Variants in WDR70 observed in about 807,000 individuals in gnomAD.
WDR70 encodes WD repeat domain 70.
A neutral mutation model predicts 88.6 loss-of-function variants in WDR70; 53 were observed. The ratio of observed to expected loss-of-function variants is 0.60; its 90% CI spans 0.48 to 0.75. The LOEUF is 0.75. Ranked by LOEUF, WDR70 falls within the 30% of genes least tolerant of loss-of-function variation. The probability of loss-of-function intolerance (pLI) is 0.00; values close to 1 mark genes in which losing one functional copy is unlikely to be tolerated. For synonymous variants in WDR70, 280 were observed against 270.0 expected (o/e 1.04, Z -0.36); for missense variants, 610 against 823.2 (o/e 0.74, Z 3.17).
At chr5:37,417,861 G>A (rs1191813836) in intron 5 of WDR70, among the ~76,000 whole-genome samples, 1 of 152,150 alleles carries the variant, frequency 6.6e-6, no homozygotes, top group Non-Finnish European at 1.5e-5. Flanking sequence ...TTATTTTAAT[G>A]TCCAGGTATT....
At chr5:37,499,931 T>G (rs1251478352) in intron 8 of WDR70, among the ~76,000 whole-genome samples, 1 of 152,166 alleles carries the variant, frequency 6.6e-6, no homozygotes, top group Non-Finnish European at 1.5e-5. Flanking sequence ...CTTTATAGAT[T>G]GTGTTTTTAA....
chr5:37,462,052 T>A (rs1185838837), intron 7 of WDR70, among the ~76,000 whole-genome samples: 1 of 152,114 alleles, frequency 6.6e-6, no homozygotes, highest in Non-Finnish European at 1.5e-5. Context: ...TCTGGATAAT[T>A]TCCAGTTTTC....
At chr5:37,739,157 A>T (rs1312942651) in intron 17 of WDR70, among the ~76,000 whole-genome samples, 4 of 152,220 alleles carry the variant, frequency 2.6e-5, no homozygotes, top group Non-Finnish European at 5.9e-5. Flanking sequence ...TTTTTAAATT[A>T]GTCGTCAGAA....
At chr5:37,688,097 G>A (rs1746668123) in intron 10 of WDR70, 2 of 459,600 alleles carry the variant, frequency 4.4e-6, no homozygotes, top group Non-Finnish European at 7.8e-6. Context: ...CGACATTCAA[G>A]ATTTTATCTT....
At position 37,479,937 on chromosome 5, in the gene WDR70, A is replaced by G. The variant is rs1213049493; in HGVS notation, c.790A>G (p.Met264Val). Residue 264 changes from methionine to valine, a missense_variant, in exon 8 of 18, where the codon ATG becomes GTG. This residue lies in a region of WDR70 where 83 missense variants were observed against 155.3 expected (regional missense o/e 0.53). Coordinates refer to ENST00000265107, the MANE Select transcript of WDR70 (RefSeq NM_018034.4). Reference sequence around the variant, plus strand: ...GATTGACAGAGATGGTTTTGAAGTAATGGAATGTATAAAAGGAGACCAGTA... The same window carrying G: ...GATTGACAGAGATGGTTTTGAAGTAGTGGAATGTATAAAAGGAGACCAGTA... Reference protein sequence around the residue: ...KVIDRDGFEVMECIKGDQYIV... With the variant: ...KVIDRDGFEVVECIKGDQYIV... The G allele has an allele frequency of 6.2e-7, 1 of 1,614,064 alleles. No individual in the cohort carries two copies. The highest frequency in any genetic ancestry group is 8.5e-7 in the Non-Finnish European group (1 of 1,180,030).
chr5:37,618,032 C>G (rs1282102271), intron 10 of WDR70, among the ~76,000 whole-genome samples: 8 of 152,176 alleles, frequency 5.3e-5, no homozygotes, highest in African/African-American at 1.9e-4. Context: ...AACATTGGAA[C>G]TCACAGGTAA....
At chr5:37,508,179 T>A (rs1740617523) in intron 8 of WDR70, among the ~76,000 whole-genome samples, 1 of 152,150 alleles carries the variant, frequency 6.6e-6, no homozygotes, top group Admixed American at 6.5e-5. Context: ...AGCCATCACC[T>A]CCAATGTTAT....
At chr5:37,638,357 T>C (rs1356433) in intron 10 of WDR70, among the ~76,000 whole-genome samples, 87,228 of 152,038 alleles carry the variant, frequency 0.57, 25,222 homozygotes, top group African/African-American at 0.61. Flanking sequence ...TTCGGAAGTA[T>C]GCCTGGATTC....
intron 10 of WDR70, among the ~76,000 whole-genome samples, chr5:37,679,794 G>A (rs1746366987): frequency 1.3e-5 from 2 of 152,218 alleles, no homozygotes; most frequent in Non-Finnish European, 2.9e-5. Flanking sequence ...AGTCTGCAGA[G>A]CTTACTCCTG....
At chr5:37,475,821 T>C (rs573055116) in intron 7 of WDR70, among the ~76,000 whole-genome samples, 2 of 151,262 alleles carry the variant, frequency 1.3e-5, no homozygotes, top group South Asian at 4.2e-4. Flanking sequence ...TCCTCTTTAC[T>C]GTCTTGTCTT....
At chr5:37,463,781 T>C (rs1739082364) in intron 7 of WDR70, among the ~76,000 whole-genome samples, 1 of 152,236 alleles carries the variant, frequency 6.6e-6, no homozygotes, top group Admixed American at 6.5e-5. Flanking sequence ...TAATTCTCCT[T>C]AGTACTGTGT....
rs1017309093 is a variant in WDR70 at position 37,712,237 on chromosome 5, C to T, written c.1417-8878C>T. On this transcript the variant is annotated intron_variant, in intron 13 of 17. Coordinates refer to ENST00000265107, the MANE Select transcript of WDR70 (RefSeq NM_018034.4). ...TGAACTCCTGACCTTGTGATCCACC[C>T]GCCTCGGCCTCCCAAAGTGTTGGGA... 9.9e-5 allele frequency among the ~76,000 whole-genome samples: 15 copies of T among 152,198 alleles called. No homozygotes were observed. In the East Asian group the frequency reaches 1.5e-3, roughly 16 times the overall value.
At chr5:37,673,163 T>C (rs1420777746) in intron 10 of WDR70, among the ~76,000 whole-genome samples, 3 of 152,328 alleles carry the variant, frequency 2.0e-5, no homozygotes, top group East Asian at 1.9e-4. Context: ...TTTGGTTTTC[T>C]GTTCCTGTGT....
At chr5:37,659,037 A>G (rs10065144) in intron 10 of WDR70, among the ~76,000 whole-genome samples, 5,497 of 152,204 alleles carry the variant, frequency 0.036, 334 homozygotes, top group African/African-American at 0.13. Context: ...CATATTTTCT[A>G]TCTGTAGGAG....
chr5:37,554,656 TCACA>T (rs965958444), intron 9 of WDR70, among the ~76,000 whole-genome samples: 6 of 140,794 alleles, frequency 4.3e-5, no homozygotes, highest in Admixed American at 2.9e-4. Context: ...ACACACATAC[TCACA>T]CACGCATGCA....
chr5:37,722,918 G>A lies in WDR70; in HGVS notation c.1581G>A (p.Gln527=), dbSNP rs748176691. The A allele has an allele frequency of 5.0e-6, 8 of 1,613,550 alleles. No homozygotes were observed. The highest frequency in any genetic ancestry group is 6.8e-6 in the Non-Finnish European group (8 of 1,179,628). The change falls in exon 15 of 18, where the codon CAG becomes CAA. Residue 527 remains glutamine (Q), a synonymous_variant. Transcript: ENST00000265107. ...RKAKQAETLT[Q]DYIITPHALP... ...CAAAACAAGCTGAGACTCTAACTCA[G>A]GACTACATCATCACCCGTAAGTCGT...
At chr5:37,551,266 T>C (rs1426349290) in intron 9 of WDR70, among the ~76,000 whole-genome samples, 1 of 151,560 alleles carries the variant, frequency 6.6e-6, no homozygotes, top group Admixed American at 6.6e-5. Flanking sequence ...GATTACACCA[T>C]TGCACTCCAG....
chr5:37,550,658 C>T (rs1217985831), intron 9 of WDR70, among the ~76,000 whole-genome samples: 2 of 152,144 alleles, frequency 1.3e-5, no homozygotes, highest in African/African-American at 4.8e-5. Flanking sequence ...CTGTAGTCAG[C>T]AGATCAGTGA....
At chr5:37,593,968 T>G (rs558001493) in intron 9 of WDR70, among the ~76,000 whole-genome samples, 1 of 152,342 alleles carries the variant, frequency 6.6e-6, no homozygotes, top group African/African-American at 2.4e-5. Context: ...GTGTCTGTGT[T>G]CATATCCTTC....
Sources: gnomAD v4.1 joint callset for allele counts (sites outside exome capture counted in the v4.1 genomes callset) on GRCh38, gnomAD v4.1.1 for gene constraint, gnomAD v4.1.1 regional missense constraint, MANE v1.5 for transcripts, NCBI Gene and HGNC (gene_info 2026-07-23, HGNC 2026-07-21) for gene names.